Variants in MET observed in about 807,000 individuals in gnomAD.
MET encodes the protein hepatocyte growth factor receptor.
A neutral mutation model predicts 133.1 loss-of-function variants in MET; 48 were observed. The observed-to-expected ratio is 0.36, with a 90% CI of 0.29 to 0.46. MET has a LOEUF of 0.46. Among genes scored for constraint, MET ranks in the 20% least tolerant of loss-of-function variants. The probability of loss-of-function intolerance (pLI) is 1.00; values close to 1 mark genes in which losing one functional copy is unlikely to be tolerated. For missense variants in MET, 1,442 were observed against 1,695.9 expected (o/e 0.85, Z 2.63); for synonymous variants, 628 against 616.5 (o/e 1.02, Z -0.28).
chr7:116,701,480 T>A (rs961705412), intron 2 of MET, among the ~76,000 whole-genome samples: 2 of 152,160 alleles, frequency 1.3e-5, no homozygotes, highest in Admixed American at 6.5e-5. Context: ...CTTCTCTAGA[T>A]GGAAACTATA....
At chr7:116,693,745 C>T (rs1170726921) in intron 1 of MET, among the ~76,000 whole-genome samples, 2 of 152,144 alleles carry the variant, frequency 1.3e-5, no homozygotes, top group African/African-American at 2.4e-5. Context: ...ATTTGGAAAG[C>T]GTTTTATTTA....
chr7:116,793,234 G>T (rs745751463), intron 19 of MET, among the ~76,000 whole-genome samples: 1 of 151,806 alleles, frequency 6.6e-6, no homozygotes, highest in Non-Finnish European at 1.5e-5. Context: ...GAGTGCAGGG[G>T]CGCGATCTCA....
At chr7:116,757,323 T>A (rs1238562865) in intron 6 of MET, 114 bp from the exon 7 acceptor site, 1 of 815,602 alleles carries the variant, frequency 1.2e-6, no homozygotes, top group Non-Finnish European at 2.1e-6. Context: ...AAACTCTGCT[T>A]GCTATTCAAA....
intron 2 of MET, among the ~76,000 whole-genome samples, chr7:116,723,115 A>G (rs1190215773): frequency 7.3e-6 from 1 of 136,688 alleles, no homozygotes; most frequent in East Asian, 2.1e-4. Flanking sequence ...ACTTTCAGGT[A>G]CACCAATCAG....
intron 13 of MET, 79 bp downstream of exon 13, chr7:116,771,733 T>C (rs1417153919): frequency 2.5e-6 from 4 of 1,608,336 alleles, no homozygotes; most frequent in Admixed American, 1.7e-5. Flanking sequence ...CGTCGATTCT[T>C]GTGTGCTGTC....
At chr7:116,742,080 G>T (rs1402960587) in intron 5 of MET, among the ~76,000 whole-genome samples, 1 of 152,204 alleles carries the variant, frequency 6.6e-6, no homozygotes, top group African/African-American at 2.4e-5. Flanking sequence ...TTGGACTTTA[G>T]TAAATAGTTC....
intron 2 of MET, among the ~76,000 whole-genome samples, chr7:116,707,290 C>CA (rs1048223830): frequency 1.1e-4 from 17 of 150,156 alleles, no homozygotes; most frequent in South Asian, 4.2e-4. Flanking sequence ...ATAAAACAAA[C>CA]AAAAAAAAAC....
At chr7:116,752,576 G>A (rs1274479297) in intron 5 of MET, among the ~76,000 whole-genome samples, 1 of 152,182 alleles carries the variant, frequency 6.6e-6, no homozygotes, top group Non-Finnish European at 1.5e-5. Context: ...AAGGGTAAAG[G>A]TTACCCCATA....
intron 16 of MET, among the ~76,000 whole-genome samples, chr7:116,778,214 C>T (rs926473109): frequency 6.6e-6 from 1 of 152,108 alleles, no homozygotes; most frequent in Non-Finnish European, 1.5e-5. Context: ...TTCCTGGCTC[C>T]GCCTGTGTTG....
At chr7:116,689,119 A>G (rs575070113) in intron 1 of MET, among the ~76,000 whole-genome samples, 2 of 152,226 alleles carry the variant, frequency 1.3e-5, no homozygotes, top group East Asian at 3.9e-4. Flanking sequence ...TTTCATGTAA[A>G]TGACAGGCTG....
At chr7:116,701,352 T>A (rs1410476910) in intron 2 of MET, among the ~76,000 whole-genome samples, 3 of 152,168 alleles carry the variant, frequency 2.0e-5, no homozygotes, top group Non-Finnish European at 4.4e-5. Context: ...AGGTTATAAT[T>A]GCAATCAGGT....
At position 116,763,101 on chromosome 7, in the gene MET, C is replaced by A. The variant is rs2116954571; in HGVS notation, c.2416C>A (p.Leu806Met). ...GATAATCTGTTGTACCACTCCTTCCCTGCAACAGCTGAATCTGCAACTCCC... is the reference window on the plus strand; with the variant it reads ...GATAATCTGTTGTACCACTCCTTCCATGCAACAGCTGAATCTGCAACTCCC... ...SEIICCTTPS[L>M]QQLNLQLPLK... Residue 806 changes from leucine (L) to methionine (M), a missense_variant, in exon 11 of 21, where the codon CTG becomes ATG. Transcript: ENST00000397752. 6.2e-7 allele frequency: 1 copy of A among 1,614,080 alleles called. No homozygotes were observed. Among genetic ancestry groups the A allele is most frequent in the South Asian group, 1.1e-5 (1 of 91,078 alleles).
Position 116,700,294 on chromosome 7 carries a change from A to C in MET, c.1200+10A>C. On this transcript the variant is annotated intron_variant, in intron 2 of 20. Coordinates refer to ENST00000397752, the MANE Select transcript of MET (RefSeq NM_000245.4). ...GCACTGCTTTAATAGGGTAAGTCAC[A>C]TCAGTTCCCCACTTATAAACTGTGA... is the stretch of plus-strand genomic sequence containing the variant. The C allele has an allele frequency of 6.2e-7, 1 of 1,600,566 alleles. No individual in the cohort carries two copies. Among genetic ancestry groups the C allele is most frequent in the Non-Finnish European group, 8.5e-7 (1 of 1,178,654 alleles).
intron 19 of MET, among the ~76,000 whole-genome samples, chr7:116,788,427 G>A (rs911323680): frequency 6.6e-6 from 1 of 152,068 alleles, no homozygotes; most frequent in Non-Finnish European, 1.5e-5. Flanking sequence ...GGCAAGTGTT[G>A]GGATTCTAAG....
intron 19 of MET, among the ~76,000 whole-genome samples, chr7:116,787,396 G>A (rs1795347888): frequency 6.6e-6 from 1 of 152,138 alleles, no homozygotes; most frequent in Admixed American, 6.5e-5. Context: ...CCACAAATTG[G>A]GGGATTTATA....
chr7:116,768,839 G>T (rs546083703), intron 11 of MET, among the ~76,000 whole-genome samples: 4 of 152,164 alleles, frequency 2.6e-5, no homozygotes, highest in Admixed American at 6.5e-5. Flanking sequence ...CACTTCTTTC[G>T]CAAGGCTAAT....
chr7:116,774,788 C>A (rs1794941249), intron 14 of MET, 93 bp from the exon 15 acceptor site: 1 of 927,318 alleles, frequency 1.1e-6, no homozygotes, highest in Non-Finnish European at 1.7e-6. Context: ...TCATTTTTAT[C>A]AAACTAATTC....
In MET at chr7:116,771,521, C is replaced by A. The variant is rs770886012; in HGVS notation, c.2754C>A (p.Thr918=). ...AGTGGAAGCAAGCAATTTCTTCAAC[C>A]GTCCTTGGAAAAGTAATAGTTCAAC... ...NIEWKQAISS[T]VLGKVIVQPD... Residue 918 remains threonine, a synonymous_variant, in exon 13 of 21, where the codon ACC becomes ACA. Coordinates refer to ENST00000397752, the MANE Select transcript of MET (RefSeq NM_000245.4). The A allele has an allele frequency of 2.5e-5, 41 of 1,613,738 alleles. No homozygotes were observed. In the South Asian group the frequency reaches 3.0e-4, roughly 12 times the overall value.
intron 17 of MET, among the ~76,000 whole-genome samples, chr7:116,780,504 C>A (rs3807997): frequency 0.17 from 26,022 of 152,038 alleles, 2,345 homozygotes; most frequent in East Asian, 0.28. Context: ...TTTGTTATTA[C>A]CCTGATGGAT....
Sources: gnomAD v4.1 joint callset for allele counts (sites outside exome capture counted in the v4.1 genomes callset) on GRCh38, gnomAD v4.1.1 for gene constraint, MANE v1.5 for transcripts, NCBI Gene and HGNC (gene_info 2026-07-23, HGNC 2026-07-21) for gene names.